The following FIG4 variants were observed in gnomAD, a reference collection of about 807,000 sequenced individuals.
FIG4 encodes FIG4 phosphoinositide 5-phosphatase.
In FIG4, 112 loss-of-function variants were observed where a neutral mutation model predicts 118.6. That is an observed-to-expected ratio of 0.94 (90% CI 0.81 to 1.11). The LOEUF is 1.11. FIG4 is among the 50% of genes least tolerant of loss of function. The pLI is 0.00. For synonymous variants in FIG4, 369 were observed against 381.2 expected (o/e 0.97, Z 0.37); for missense variants, 969 against 1,111.7 (o/e 0.87, Z 1.83).
intron 13 of FIG4, among the ~76,000 whole-genome samples, chr6:109,764,603 G>C (rs1425122654): frequency 2.0e-5 from 3 of 152,094 alleles, no homozygotes; most frequent in Non-Finnish European, 4.4e-5. Context: ...TACTATATAT[G>C]TTAACTATGC....
chr6:109,727,854 A>G (rs1461616960), intron 4 of FIG4, among the ~76,000 whole-genome samples: 3 of 152,198 alleles, frequency 2.0e-5, no homozygotes, highest in East Asian at 1.9e-4. Flanking sequence ...TTCCTGCAAG[A>G]TAACTGGCCT....
At chr6:109,752,041 A>G (rs1032949743) in intron 10 of FIG4, among the ~76,000 whole-genome samples, 3 of 121,666 alleles carry the variant, frequency 2.5e-5, no homozygotes, top group African/African-American at 9.6e-5. Context: ...TCCTGTGTCC[A>G]TGTGTTCTCA....
chr6:109,731,459 GATAA>G (rs1354666145), intron 4 of FIG4, among the ~76,000 whole-genome samples: 1 of 152,096 alleles, frequency 6.6e-6, no homozygotes, highest in Non-Finnish European at 1.5e-5. Flanking sequence ...GCAGACAATG[GATAA>G]ATAAAGTGTG....
chr6:109,789,503 G>T, intron 18 of FIG4, 91 bp from the exon 19 acceptor site: 1 of 937,964 alleles, frequency 1.1e-6, no homozygotes, highest in South Asian at 1.3e-5. Flanking sequence ...GAGTTAAGAA[G>T]GAATATTGTA....
intron 22 of FIG4, among the ~76,000 whole-genome samples, chr6:109,802,299 C>A (rs549801591): frequency 4.6e-5 from 7 of 152,232 alleles, no homozygotes; most frequent in Non-Finnish European, 1.0e-4. Context: ...CTTTCTGTAT[C>A]CCCTCCAGGG....
intron 22 of FIG4, among the ~76,000 whole-genome samples, chr6:109,799,697 T>C (rs1203331348): frequency 2.0e-5 from 3 of 152,188 alleles, no homozygotes; most frequent in Non-Finnish European, 2.9e-5. Context: ...TAAAAAATAT[T>C]GACAGTAAAT....
intron 3 of FIG4, among the ~76,000 whole-genome samples, chr6:109,721,167 A>G (rs1452042083): frequency 6.6e-6 from 1 of 152,188 alleles, no homozygotes; most frequent in Non-Finnish European, 1.5e-5. Context: ...TGTTTAAAAC[A>G]ATACCCTTAC....
chr6:109,703,007 T>C lies in FIG4; in HGVS notation c.66+11506T>C, dbSNP rs564420650. On this transcript the variant is annotated intron_variant, in intron 1 of 22. Transcript: ENST00000230124. ...CTCTATGACAGTTTCCCTGTTTTCC[T>C]GGATCCCATCACTTCCTGTTTCTTG... Among the ~76,000 whole-genome samples, 3 of 152,306 alleles carry C rather than the reference T, an allele frequency of 2.0e-5. No homozygotes were observed. The South Asian group carries it at 6.2e-4, about 32-fold the overall frequency.
At chr6:109,781,054 G>A (rs1777788238) in intron 16 of FIG4, among the ~76,000 whole-genome samples, 1 of 152,200 alleles carries the variant, frequency 6.6e-6, no homozygotes, top group Admixed American at 6.5e-5. Context: ...TGATATGTGA[G>A]TTCCCTTTCT....
At chr6:109,770,663 G>A (rs1354321937) in intron 15 of FIG4, among the ~76,000 whole-genome samples, 2 of 152,072 alleles carry the variant, frequency 1.3e-5, no homozygotes, top group Non-Finnish European at 2.9e-5. Context: ...GCAGAAGAAG[G>A]GGGAGCAGGT....
At chr6:109,779,734 G>A (rs942147575) in intron 16 of FIG4, among the ~76,000 whole-genome samples, 6 of 152,152 alleles carry the variant, frequency 3.9e-5, no homozygotes, top group South Asian at 2.1e-4. Context: ...ACCTGTACAG[G>A]TTATTTTGCT....
chr6:109,710,758 A>AT (rs967810908), intron 1 of FIG4, among the ~76,000 whole-genome samples: 10 of 152,148 alleles, frequency 6.6e-5, no homozygotes, highest in Admixed American at 3.3e-4. Flanking sequence ...TTTCTAGTGT[A>AT]TGTGAATAGA....
At chr6:109,802,642 A>G (rs541986340) in intron 22 of FIG4, among the ~76,000 whole-genome samples, 17 of 152,358 alleles carry the variant, frequency 1.1e-4, no homozygotes, top group African/African-American at 3.8e-4. Context: ...CAAGAATTAG[A>G]AAACTTAGCT....
Position 109,784,990 on chromosome 6 carries a change from C to T in FIG4, c.1910C>T (p.Pro637Leu), listed in dbSNP as rs1213301775. 2.6e-6 allele frequency: 4 copies of T among 1,565,360 alleles called. No individual in the cohort carries two copies. In the Admixed American group the frequency reaches 6.7e-5, roughly 26 times the overall value. The change falls in exon 17 of 23, where the codon CCA becomes CTA. Residue 637 changes from proline to leucine, a missense_variant. By Grantham distance (98) the Pro-to-Leu change is moderately conservative (BLOSUM62 -3). This residue lies in a region of FIG4 where 330 missense variants were observed against 348.1 expected (regional missense o/e 0.95). Transcript: ENST00000230124. ...TRRSYTYWWT[P>L]EVIKHLPLPY... is the part of the protein sequence containing the mutation. Reference sequence around the variant, plus strand: ...TATAGTTATACTTACTGGTGGACACCAGAGGTGATAAAGCATTTACCATTG... The same window carrying T: ...TATAGTTATACTTACTGGTGGACACTAGAGGTGATAAAGCATTTACCATTG...
chr6:109,798,756 C>G (rs1327381026), intron 22 of FIG4, among the ~76,000 whole-genome samples: 1 of 152,102 alleles, frequency 6.6e-6, no homozygotes, highest in Non-Finnish European at 1.5e-5. Flanking sequence ...TTTATCACAG[C>G]CTTCAAAAAT....
rs193247643 is a variant in FIG4 at position 109,822,228 on chromosome 6, G to A, written c.2547-2860G>A. On this transcript the variant is annotated intron_variant, in intron 22 of 22. Transcript: ENST00000230124. ...TACTTATGAGTCAGGGTAGGGGATT[G>A]TGATGGGGTTGGGGCACCTGGAAGG... 9.5e-4 allele frequency among the ~76,000 whole-genome samples: 145 copies of A among 152,246 alleles called. 1 individual carries two copies. Among genetic ancestry groups the A allele is most frequent in the African/African-American group, 3.4e-3 (141 of 41,542 alleles).
At chr6:109,739,338 G>C (rs1776253183) in intron 7 of FIG4, among the ~76,000 whole-genome samples, 1 of 152,110 alleles carries the variant, frequency 6.6e-6, no homozygotes, top group Admixed American at 6.6e-5. Flanking sequence ...TAAGAAGGCA[G>C]CATGTACCAT....
At chr6:109,764,979 T>A in intron 13 of FIG4, 34 bp from the exon 14 acceptor site, 1 of 1,600,744 alleles carries the variant, frequency 6.2e-7, no homozygotes, top group Non-Finnish European at 8.6e-7. Context: ...GGTGATGGAA[T>A]AATGATTGAA....
intron 3 of FIG4, among the ~76,000 whole-genome samples, chr6:109,720,646 T>G (rs1775578819): frequency 6.6e-6 from 1 of 152,220 alleles, no homozygotes; most frequent in African/African-American, 2.4e-5. Context: ...GATTCACTGA[T>G]CATGCACACA....
Sources: allele counts gnomAD v4.1 joint callset (sites outside exome capture counted in the v4.1 genomes callset), GRCh38; gene constraint gnomAD v4.1.1; regional missense constraint gnomAD v4.1.1; transcripts MANE v1.5; gene names NCBI Gene and HGNC (gene_info 2026-07-23, HGNC 2026-07-21).